PIGL: variants seen among roughly 807,000 people sequenced by gnomAD.
PIGL encodes the protein phosphatidylinositol glycan anchor biosynthesis class L, also known as N-acetylglucosaminyl-phosphatidylinositol de-N-acetylase.
Under a neutral mutation model 31.1 loss-of-function variants are expected in PIGL, and 22 were observed. The ratio of observed to expected loss-of-function variants is 0.71; its 90% CI spans 0.51 to 1.01. The LOEUF is 1.01. Among genes scored for constraint, PIGL ranks in the 50% least tolerant of loss-of-function variants. The probability of loss-of-function intolerance (pLI) is 0.00; values close to 1 mark genes in which losing one functional copy is unlikely to be tolerated. For missense variants in PIGL, 302 were observed against 315.9 expected (o/e 0.96, Z 0.33); for synonymous variants, 131 against 117.4 (o/e 1.12, Z -0.75).
At chr17:16,264,319 T>G (rs1240655455) in intron 2 of PIGL, among the ~76,000 whole-genome samples, 1 of 151,886 alleles carries the variant, frequency 6.6e-6, no homozygotes, top group Non-Finnish European at 1.5e-5. Flanking sequence ...TAATCTTTTG[T>G]ATTTTTAGTA....
intron 2 of PIGL, among the ~76,000 whole-genome samples, chr17:16,245,238 G>A (rs1337041186): frequency 1.3e-5 from 2 of 151,870 alleles, no homozygotes; most frequent in East Asian, 3.9e-4. Flanking sequence ...TGATCCACCC[G>A]CCTCGGCCTC....
At chr17:16,279,947 A>G (rs1249127846) in intron 2 of PIGL, 1 of 152,230 alleles carries the variant, frequency 6.6e-6, no homozygotes. Context: ...AACTGGTTCA[A>G]GTCACTAGGC....
chr17:16,298,383 G>A (rs192619474), intron 2 of PIGL, among the ~76,000 whole-genome samples: 1 of 152,166 alleles, frequency 6.6e-6, no homozygotes, highest in African/African-American at 2.4e-5. Flanking sequence ...AGAGAGATAG[G>A]TATCAGTTTA....
chr17:16,320,202 AAAGG>A (rs199746775), intron 6 of PIGL, among the ~76,000 whole-genome samples: 13,321 of 62,872 alleles, frequency 0.21, 1,564 homozygotes, highest in Middle Eastern at 0.26. Flanking sequence ...GAGAGAAAGA[AAAGG>A]AAGGAAGGAA....
chr17:16,288,897 C>T (rs1440747141), intron 2 of PIGL, among the ~76,000 whole-genome samples: 2 of 152,222 alleles, frequency 1.3e-5, no homozygotes, highest in East Asian at 1.9e-4. Context: ...CCCCTGTGAA[C>T]CATCTTGAAA....
chr17:16,259,749 G>A (rs1043829737), intron 2 of PIGL, among the ~76,000 whole-genome samples: 9 of 152,092 alleles, frequency 5.9e-5, no homozygotes, highest in Non-Finnish European at 8.8e-5. Flanking sequence ...TGGGGGAGTG[G>A]GCATGGCTGG....
chr17:16,289,145 T>G (rs750342222), intron 2 of PIGL, among the ~76,000 whole-genome samples: 12 of 152,226 alleles, frequency 7.9e-5, no homozygotes, highest in Non-Finnish European at 1.8e-4. Context: ...TGTAAAGTGA[T>G]GGAGTGCAAA....
chr17:16,233,353 A>G (rs1283206679), intron 1 of PIGL, among the ~76,000 whole-genome samples: 1 of 152,276 alleles, frequency 6.6e-6, no homozygotes, highest in South Asian at 2.1e-4. Context: ...GGAATATAGT[A>G]TATGTTTTGG....
At chr17:16,280,768 C>T (rs978096594) in intron 2 of PIGL, among the ~76,000 whole-genome samples, 2 of 152,268 alleles carry the variant, frequency 1.3e-5, no homozygotes, top group South Asian at 2.1e-4. Context: ...TGCAGTGGCA[C>T]GATCTTGGCT....
chr17:16,258,993 C>T (rs1485793851), intron 2 of PIGL, among the ~76,000 whole-genome samples: 2 of 152,190 alleles, frequency 1.3e-5, no homozygotes, highest in African/African-American at 4.8e-5. Context: ...TTCCCCATAA[C>T]ACCAAGTTCC....
intron 2 of PIGL, chr17:16,279,606 T>C (rs2092908681): frequency 1.3e-5 from 2 of 152,248 alleles, no homozygotes; most frequent in African/African-American, 4.8e-5. Context: ...TTTTATTAAA[T>C]TCTTCCTATT....
chr17:16,236,877 GTTA>G (rs1350901416), intron 2 of PIGL, among the ~76,000 whole-genome samples: 1 of 150,760 alleles, frequency 6.6e-6, no homozygotes, highest in Non-Finnish European at 1.5e-5. Context: ...CCGCTATAGT[GTTA>G]TTATTTCTCA....
intron 1 of PIGL, among the ~76,000 whole-genome samples, chr17:16,226,569 T>C (rs968588137): frequency 3.9e-5 from 6 of 152,242 alleles, no homozygotes; most frequent in African/African-American, 1.4e-4. Context: ...CAAGTGCATA[T>C]GGGACTAGAA....
intron 2 of PIGL, among the ~76,000 whole-genome samples, chr17:16,260,919 A>G (rs1244908383): frequency 6.6e-6 from 1 of 152,038 alleles, no homozygotes; most frequent in Non-Finnish European, 1.5e-5. Flanking sequence ...GGAGTTTGAG[A>G]CCAGCCTGAC....
At chr17:16,241,917 A>C (rs545706391) in intron 2 of PIGL, among the ~76,000 whole-genome samples, 1 of 152,268 alleles carries the variant, frequency 6.6e-6, no homozygotes, top group African/African-American at 2.4e-5. Flanking sequence ...ACATTCTCCT[A>C]CTATTGAATA....
At chr17:16,225,087 A>C (rs985555060) in intron 1 of PIGL, among the ~76,000 whole-genome samples, 16 of 152,172 alleles carry the variant, frequency 1.1e-4, no homozygotes, top group African/African-American at 3.9e-4. Context: ...GGCCTTCTTT[A>C]CTATCTGTTA....
At chr17:16,219,532 AT>A (rs1568771815) in intron 1 of PIGL, among the ~76,000 whole-genome samples, 1 of 151,768 alleles carries the variant, frequency 6.6e-6, no homozygotes, top group Non-Finnish European at 1.5e-5. Flanking sequence ...TAATGCCACC[AT>A]TTTTTCTTAG....
At chr17:16,266,236 G>C (rs889570311) in intron 2 of PIGL, among the ~76,000 whole-genome samples, 1 of 151,654 alleles carries the variant, frequency 6.6e-6, no homozygotes, top group Non-Finnish European at 1.5e-5. Context: ...CCAACATGGT[G>C]AAAACCCATC....
intron 2 of PIGL, among the ~76,000 whole-genome samples, chr17:16,296,228 T>A (rs2092981398): frequency 6.6e-6 from 1 of 152,196 alleles, no homozygotes. Context: ...TGAGTCATCT[T>A]ACACATCTCC....
Sources: allele counts gnomAD v4.1 joint callset (sites outside exome capture counted in the v4.1 genomes callset), GRCh38; gene constraint gnomAD v4.1.1; transcripts MANE v1.5; gene names NCBI Gene and HGNC (gene_info 2026-07-23, HGNC 2026-07-21).